KIAA1217: variants seen among roughly 807,000 people sequenced by gnomAD.
KIAA1217 encodes the protein KIAA1217, also known as sickle tail protein homolog.
Under a neutral mutation model 163.9 loss-of-function variants are expected in KIAA1217, and 88 were observed. The ratio of observed to expected loss-of-function variants is 0.54; its 90% CI spans 0.45 to 0.64. The LOEUF is 0.64. Ranked by LOEUF, KIAA1217 falls within the 30% of genes least tolerant of loss-of-function variation. KIAA1217 has a pLI of 0.00. For synonymous variants in KIAA1217, 903 were observed against 923.1 expected (o/e 0.98, Z 0.39); for missense variants, 2,372 against 2,475.0 (o/e 0.96, Z 0.88).
chr10:23,734,774 T>A (rs1838697364), intron 1 of KIAA1217, among the ~76,000 whole-genome samples: 2 of 152,162 alleles, frequency 1.3e-5, no homozygotes, highest in South Asian at 4.1e-4. Context: ...ATATTTATCA[T>A]GATAAATTTT....
chr10:23,935,232 G>A (rs1843476654), intron 1 of KIAA1217, among the ~76,000 whole-genome samples: 1 of 152,160 alleles, frequency 6.6e-6, no homozygotes, highest in South Asian at 2.1e-4. Context: ...AGCTGAGAAA[G>A]GCAAAATATG....
intron 2 of KIAA1217, among the ~76,000 whole-genome samples, chr10:24,028,048 G>A (rs1055881122): frequency 1.3e-5 from 2 of 152,056 alleles, no homozygotes; most frequent in South Asian, 2.1e-4. Context: ...GACAATGGCT[G>A]GCATATCATA....
chr10:23,949,154 A>G (rs1197396112), intron 1 of KIAA1217, among the ~76,000 whole-genome samples: 1 of 152,238 alleles, frequency 6.6e-6, no homozygotes, highest in Non-Finnish European at 1.5e-5. Context: ...CCTCCCATGA[A>G]GTCTTCTTCA....
intron 1 of KIAA1217, among the ~76,000 whole-genome samples, chr10:23,740,349 T>C (rs775942024): frequency 5.9e-5 from 9 of 152,284 alleles, no homozygotes; most frequent in Non-Finnish European, 8.8e-5. Context: ...GGTTATGTCA[T>C]GTAAGCACGT....
intron 2 of KIAA1217, among the ~76,000 whole-genome samples, chr10:24,060,513 G>A (rs1034075221): frequency 6.6e-6 from 1 of 152,118 alleles, no homozygotes; most frequent in African/African-American, 2.4e-5. Flanking sequence ...ACTAAGACTT[G>A]GCCAAACACA....
chr10:24,331,318 G>A (rs1005413147), intron 2 of KIAA1217, among the ~76,000 whole-genome samples: 3 of 152,206 alleles, frequency 2.0e-5, no homozygotes, highest in Admixed American at 2.0e-4. Flanking sequence ...ATATTGCAAA[G>A]GCAGGAGTTG....
At chr10:24,429,169 G>A (rs1006306756) in intron 3 of KIAA1217, among the ~76,000 whole-genome samples, 5 of 152,076 alleles carry the variant, frequency 3.3e-5, no homozygotes, top group African/African-American at 1.2e-4. Flanking sequence ...TTATCTTTTG[G>A]TTTCTGAAGT....
At chr10:24,528,180 C>G in intron 14 of KIAA1217, 61 bp downstream of exon 14, 1 of 1,380,160 alleles carries the variant, frequency 7.2e-7, no homozygotes, top group Non-Finnish European at 1.0e-6. Flanking sequence ...AAATACAGTG[C>G]CATCCACGAC....
intron 2 of KIAA1217, among the ~76,000 whole-genome samples, chr10:24,241,952 TC>T (rs2073162022): frequency 6.6e-6 from 1 of 152,146 alleles, no homozygotes; most frequent in Non-Finnish European, 1.5e-5. Flanking sequence ...GATTTTGGCA[TC>T]TGAGCTGCTG....
At chr10:24,161,023 A>T (rs143850865) in intron 2 of KIAA1217, among the ~76,000 whole-genome samples, 115 of 152,268 alleles carry the variant, frequency 7.6e-4, no homozygotes, top group African/African-American at 2.6e-3. Context: ...TTAGTTTCCT[A>T]CCTGTAAACT....
intron 2 of KIAA1217, among the ~76,000 whole-genome samples, chr10:24,286,294 T>A (rs2078531924): frequency 6.6e-6 from 1 of 152,180 alleles, no homozygotes; most frequent in Non-Finnish European, 1.5e-5. Flanking sequence ...CCAAATTTTC[T>A]AAGTATTTTG....
At chr10:24,461,475 C>T (rs2062402688) in intron 5 of KIAA1217, among the ~76,000 whole-genome samples, 1 of 152,138 alleles carries the variant, frequency 6.6e-6, no homozygotes, top group Non-Finnish European at 1.5e-5. Context: ...CTGCCTCAGC[C>T]TCCCAAGTAG....
chr10:24,189,007 G>C (rs2066581350), intron 2 of KIAA1217, among the ~76,000 whole-genome samples: 1 of 151,470 alleles, frequency 6.6e-6, no homozygotes. Context: ...TCTGGTAGCT[G>C]AGGCAGGAGA....
chr10:23,837,946 C>T (rs2131058397), intron 1 of KIAA1217, among the ~76,000 whole-genome samples: 1 of 152,268 alleles, frequency 6.6e-6, no homozygotes, highest in East Asian at 1.9e-4. Flanking sequence ...ATTTCTCCCA[C>T]CTTGCTTAGC....
Position 24,193,515 on chromosome 10 carries a change from T to A in KIAA1217, c.-170-26111T>A, listed in dbSNP as rs570010412. Among the ~76,000 whole-genome samples, 11 of 152,364 alleles carry A rather than the reference T, an allele frequency of 7.2e-5. No homozygotes were observed. The East Asian group carries it at 2.1e-3, about 29-fold the overall frequency. ...AGCTATAAACACAGCGTTAGATGTT[T>A]CTTCATCTTCCCCATGGTCAGGTCA... On this transcript the variant is annotated intron_variant, in intron 2 of 18. Coordinates refer to the KIAA1217 transcript ENST00000376462.
chr10:24,492,299 C>A (rs1160941019), intron 6 of KIAA1217, among the ~76,000 whole-genome samples: 1 of 152,208 alleles, frequency 6.6e-6, no homozygotes, highest in Non-Finnish European at 1.5e-5. Context: ...ATTTGAATTT[C>A]TTACCATTGT....
intron 1 of KIAA1217, among the ~76,000 whole-genome samples, chr10:23,784,475 T>C (rs1417360619): frequency 6.6e-6 from 1 of 152,200 alleles, no homozygotes; most frequent in Non-Finnish European, 1.5e-5. Context: ...GCTGCTATTT[T>C]GTTAATTGTT....
intron 1 of KIAA1217, among the ~76,000 whole-genome samples, chr10:23,989,657 A>G (rs77022570): frequency 6.6e-6 from 1 of 152,178 alleles, no homozygotes; most frequent in Non-Finnish European, 1.5e-5. Flanking sequence ...TTGGGGTATC[A>G]GTTCCTGTAC....
intron 2 of KIAA1217, among the ~76,000 whole-genome samples, chr10:24,244,561 C>CTTTTTTTTTTTTTTTT (rs11318420): frequency 4.7e-5 from 4 of 85,310 alleles, no homozygotes; most frequent in Non-Finnish European, 4.7e-5. Flanking sequence ...TTCTTTCTTT[C>CTTTTTTTTTTTTTTTT]TTTTTTTTTT....
Sources: gnomAD v4.1 joint callset for allele counts (sites outside exome capture counted in the v4.1 genomes callset) on GRCh38, gnomAD v4.1.1 for gene constraint, MANE v1.5 for transcripts, NCBI Gene and HGNC (gene_info 2026-07-23, HGNC 2026-07-21) for gene names.